NPR3: variants seen among roughly 807,000 people sequenced by gnomAD.
NPR3 encodes atrial natriuretic peptide receptor 3.
In NPR3, 34 loss-of-function variants were observed where a neutral mutation model predicts 54.5. That is an observed-to-expected ratio of 0.62 (90% CI 0.47 to 0.83). NPR3 has a LOEUF of 0.83. NPR3 is among the 40% of genes least tolerant of loss of function. The pLI, the probability that NPR3 is intolerant of heterozygous loss-of-function variation, is 0.00. For missense variants in NPR3, 674 were observed against 720.8 expected (o/e 0.94, Z 0.74); for synonymous variants, 289 against 297.1 (o/e 0.97, Z 0.28).
chr5:32,711,794 GCTCA>G lies in NPR3; in HGVS notation c.21_24del (p.Thr8SerfsTer30). On this transcript the variant is annotated frameshift_variant, in exon 1 of 8. Coordinates refer to ENST00000265074, the MANE Select transcript of NPR3 (RefSeq NM_001204375.2). LOFTEE classifies it high-confidence loss of function. ...GCGGCACGATGCCGTCTCTGCTGGT[GCTCA>G]CTTTCTCCCCGTGCGTACTACTCGG... 7.0e-7 allele frequency: 1 copy of G among 1,433,320 alleles called. No homozygotes were observed. The highest frequency in any genetic ancestry group is 1.5e-5 in the South Asian group (1 of 65,262). 88.8% of individuals were successfully genotyped at this position (1,433,320 alleles called of 1,614,324 possible). A position where few individuals can be genotyped will look rare whatever the true frequency, so the allele number is the denominator to read the frequency against.
At chr5:32,761,522 T>C (rs1371945389) in intron 3 of NPR3, among the ~76,000 whole-genome samples, 1 of 152,116 alleles carries the variant, frequency 6.6e-6, no homozygotes, top group African/African-American at 2.4e-5. Flanking sequence ...TGTTTGTTTC[T>C]GTTCTTTAGA....
chr5:32,751,052 AT>A (rs769225004), intron 3 of NPR3, among the ~76,000 whole-genome samples: 7 of 152,130 alleles, frequency 4.6e-5, no homozygotes, highest in African/African-American at 7.2e-5. Context: ...CAGGAACATC[AT>A]TTAGGGATCC....
chr5:32,782,954 C>T lies in NPR3; in HGVS notation c.1352C>T (p.Pro451Leu), dbSNP rs1055763990. The T allele has an allele frequency of 1.9e-6, 3 of 1,610,364 alleles. No individual in the cohort carries two copies. Among genetic ancestry groups the T allele is most frequent in the Admixed American group, 1.7e-5 (1 of 59,600 alleles). The change falls in exon 6 of 8, where the codon CCT becomes CTT. Residue 451 changes from proline (P) to leucine (L), a missense_variant. Coordinates refer to ENST00000265074, the MANE Select transcript of NPR3 (RefSeq NM_001204375.2). Reference protein sequence around the residue: ...RFEMRPNVKYPWGPLKLRIDE... With the variant: ...RFEMRPNVKYLWGPLKLRIDE... ...GAAATGCGGCCGAATGTCAAATATC[C>T]TTGGGGCCCTTTAAAACTGAGAATA... is the stretch of plus-strand genomic sequence containing the variant.
chr5:32,708,119 T>C (rs817904), upstream of NPR3, among the ~76,000 whole-genome samples: 2 of 152,032 alleles, frequency 1.3e-5, no homozygotes, highest in Non-Finnish European at 2.9e-5. Flanking sequence ...GAGCTAACAT[T>C]GTCTTTCTTT....
At chr5:32,719,101 T>C (rs923521046) in intron 1 of NPR3, among the ~76,000 whole-genome samples, 1 of 152,244 alleles carries the variant, frequency 6.6e-6, no homozygotes, top group African/African-American at 2.4e-5. Flanking sequence ...TCTGCATCTA[T>C]TGAGATAATC....
intron 4 of NPR3, among the ~76,000 whole-genome samples, chr5:32,779,419 T>C (rs560678028): frequency 6.6e-6 from 1 of 152,348 alleles, no homozygotes; most frequent in East Asian, 1.9e-4. Context: ...CTTTTATTGA[T>C]TAGTTGCTCT....
upstream of NPR3, chr5:32,710,916 G>GTGTA (rs1445594324): frequency 8.9e-6 from 7 of 782,246 alleles, no homozygotes; most frequent in African/African-American, 2.0e-5. Flanking sequence ...GTGTGTGTGT[G>GTGTA]TATGTGTGCG....
chr5:32,780,736 G>T lies in NPR3; in HGVS notation c.1210G>T (p.Val404Leu). The T allele has an allele frequency of 1.9e-6, 3 of 1,557,516 alleles. No individual in the cohort carries two copies. The highest frequency in any genetic ancestry group is 1.1e-5 in the South Asian group (1 of 89,976). Residue 404 changes from valine to leucine, a missense_variant, in exon 5 of 8, where the codon GTG becomes TTG. Physicochemically the swap from Val to Leu is conservative, Grantham distance 32 (BLOSUM62 1). Transcript: ENST00000265074. ...NRTFEGIAGQ[V>L]SIDANGDRYG... ...TGGTCCTGTAGGTATCGCCGGGCAG[G>T]TGTCCATAGATGCCAACGGAGACCG...
chr5:32,739,979 C>T (rs970516614), intron 3 of NPR3, among the ~76,000 whole-genome samples: 1 of 152,190 alleles, frequency 6.6e-6, no homozygotes, highest in African/African-American at 2.4e-5. Flanking sequence ...CTCCTGGGCT[C>T]AAGCGATCCT....
chr5:32,698,910 T>C (rs1304196197), intron 1 of NPR3, among the ~76,000 whole-genome samples: 1 of 151,470 alleles, frequency 6.6e-6, no homozygotes, highest in African/African-American at 2.4e-5. Flanking sequence ...GGATCTTGTC[T>C]TTTTAAATCC....
rs911013665 is a variant in NPR3 at position 32,786,527 on chromosome 5, G to C, written c.*182G>C. 5.0e-6 allele frequency: 3 copies of C among 595,156 alleles called. No individual in the cohort carries two copies. The African/African-American group carries it at 5.7e-5, about 11-fold the overall frequency. The allele number at this position is 595,156 out of a possible 1,614,324, so 36.9% of individuals were successfully genotyped here. A position where few individuals can be genotyped will look rare whatever the true frequency, so the allele number is the denominator to read the frequency against. ...ATGATTAATCACCATCTGCCTCCAG[G>C]CCTTTCATCTCATGACAAACAAATA... On this transcript the variant is annotated 3_prime_UTR_variant, in exon 8 of 8. Transcript: ENST00000265074.
At chr5:32,715,283 A>G (rs1334662671) in intron 1 of NPR3, among the ~76,000 whole-genome samples, 1 of 152,228 alleles carries the variant, frequency 6.6e-6, no homozygotes, top group South Asian at 2.1e-4. Flanking sequence ...AAAATTCCCT[A>G]TTAAGTATTA....
chr5:32,784,403 G>T (rs1742500042), intron 6 of NPR3, among the ~76,000 whole-genome samples: 1 of 152,100 alleles, frequency 6.6e-6, no homozygotes, highest in African/African-American at 2.4e-5. Flanking sequence ...TGACCAGGCT[G>T]GTCTCAAACT....
chr5:32,765,154 G>A (rs1741386505), intron 3 of NPR3, among the ~76,000 whole-genome samples: 1 of 152,178 alleles, frequency 6.6e-6, no homozygotes, highest in Non-Finnish European at 1.5e-5. Context: ...GTTATAGCGT[G>A]AGCATCCCTG....
At chr5:32,703,618 T>A (rs1273429264) in intron 1 of NPR3, among the ~76,000 whole-genome samples, 1 of 152,106 alleles carries the variant, frequency 6.6e-6, no homozygotes, top group Non-Finnish European at 1.5e-5. Context: ...GCAGGTTCCC[T>A]CCTTGCCCAG....
chr5:32,760,186 GT>G (rs144099075), intron 3 of NPR3, among the ~76,000 whole-genome samples: 3 of 151,632 alleles, frequency 2.0e-5, no homozygotes, highest in African/African-American at 7.3e-5. Flanking sequence ...TCTTGAATAC[GT>G]TTTTTTGCGG....
intron 3 of NPR3, among the ~76,000 whole-genome samples, chr5:32,762,738 G>T (rs1741243573): frequency 6.6e-6 from 1 of 151,926 alleles, no homozygotes; most frequent in South Asian, 2.1e-4. Flanking sequence ...TTAGCCCTTT[G>T]TCAGATGGAT....
intron 3 of NPR3, among the ~76,000 whole-genome samples, chr5:32,752,578 A>G (rs1339972491): frequency 2.6e-5 from 4 of 152,204 alleles, no homozygotes; most frequent in Non-Finnish European, 5.9e-5. Context: ...CTTTAAAGTC[A>G]GCTAGGGAAT....
intron 3 of NPR3, among the ~76,000 whole-genome samples, chr5:32,752,313 T>C (rs990083016): frequency 6.6e-6 from 1 of 152,192 alleles, no homozygotes; most frequent in Non-Finnish European, 1.5e-5. Flanking sequence ...GTGACGTTAT[T>C]TGAAAAGTTA....
Sources: allele counts gnomAD v4.1 joint callset (sites outside exome capture counted in the v4.1 genomes callset), GRCh38; gene constraint gnomAD v4.1.1; transcripts MANE v1.5; gene names NCBI Gene and HGNC (gene_info 2026-07-23, HGNC 2026-07-21).